FAM171A1: variants seen among roughly 807,000 people sequenced by gnomAD.
FAM171A1 encodes family with sequence similarity 171 member A1.
FAM171A1 carries 23 observed loss-of-function variants against 74.9 expected under a neutral mutation model. The ratio of observed to expected loss-of-function variants is 0.31; its 90% confidence interval spans 0.22 to 0.44. The LOEUF (loss-of-function observed/expected upper bound fraction) is 0.44. Ranked by LOEUF, FAM171A1 falls within the 20% of genes least tolerant of loss-of-function variation. FAM171A1 has a pLI of 1.00. For missense variants in FAM171A1, 1,162 were observed against 1,159.2 expected, an observed-to-expected ratio of 1.00 and a Z score of -0.03; for synonymous variants, 527 against 505.7, an observed-to-expected ratio of 1.04 and a Z score of -0.57.
chr10:15,340,016 A>G (rs1835747817), intron 1 of FAM171A1, among the ~76,000 whole-genome samples: 1 of 152,158 alleles, frequency 6.6e-6, no homozygotes, highest in Non-Finnish European at 1.5e-5. Context: ...TCATTCAATT[A>G]TCTCCCACTG....
chr10:15,264,196 C>G (rs1183507302), intron 3 of FAM171A1, among the ~76,000 whole-genome samples: 1 of 152,140 alleles, frequency 6.6e-6, no homozygotes, highest in Non-Finnish European at 1.5e-5. Flanking sequence ...GGCTTGAACT[C>G]CTGGGCTCAA....
intron 1 of FAM171A1, among the ~76,000 whole-genome samples, chr10:15,301,298 G>A (rs563600860): frequency 2.6e-4 from 40 of 151,730 alleles, no homozygotes; most frequent in Non-Finnish European, 5.1e-4. Context: ...TCAGCCTCTC[G>A]AGTAGCTGGG....
intron 1 of FAM171A1, among the ~76,000 whole-genome samples, chr10:15,287,089 TTC>T (rs1488195515): frequency 4.3e-5 from 6 of 138,804 alleles, no homozygotes; most frequent in Non-Finnish European, 6.2e-5. Context: ...CATTTTCTTC[TTC>T]TTTTTTTTTT....
intron 5 of FAM171A1, among the ~76,000 whole-genome samples, chr10:15,229,482 C>T (rs1045617515): frequency 2.0e-5 from 3 of 148,580 alleles, no homozygotes; most frequent in Non-Finnish European, 4.5e-5. Flanking sequence ...CCATTGTCAC[C>T]CCATCACCAT....
chr10:15,314,544 G>A (rs899500476), intron 1 of FAM171A1, among the ~76,000 whole-genome samples: 4 of 152,220 alleles, frequency 2.6e-5, no homozygotes, highest in South Asian at 2.1e-4. Context: ...AATTGGGACC[G>A]AGGTGTTCTC....
At chr10:15,311,811 A>G (rs1417775074) in intron 1 of FAM171A1, among the ~76,000 whole-genome samples, 1 of 152,228 alleles carries the variant, frequency 6.6e-6, no homozygotes, top group East Asian at 1.9e-4. Flanking sequence ...TTTTCTGTGC[A>G]TGTGACAGGG....
intron 5 of FAM171A1, among the ~76,000 whole-genome samples, chr10:15,246,222 G>A (rs1834433498): frequency 6.6e-6 from 1 of 152,168 alleles, no homozygotes. Context: ...TGCAGGATAT[G>A]TGAACAGACA....
intron 6 of FAM171A1, among the ~76,000 whole-genome samples, chr10:15,219,016 C>T (rs1274067002): frequency 1.3e-5 from 2 of 152,278 alleles, no homozygotes; most frequent in African/African-American, 2.4e-5. Context: ...GGCGCAGTGG[C>T]TCATGCCTGT....
chr10:15,282,453 A>G (rs1047587029), intron 2 of FAM171A1, among the ~76,000 whole-genome samples: 1 of 152,206 alleles, frequency 6.6e-6, no homozygotes, highest in Non-Finnish European at 1.5e-5. Context: ...CGTACTATTG[A>G]TCGGTTCATG....
chr10:15,278,569 A>G (rs1205006999), intron 2 of FAM171A1, among the ~76,000 whole-genome samples: 1 of 152,234 alleles, frequency 6.6e-6, no homozygotes, highest in Non-Finnish European at 1.5e-5. Flanking sequence ...TTATTCACTC[A>G]TGAAAGGGAA....
intron 1 of FAM171A1, among the ~76,000 whole-genome samples, chr10:15,320,946 T>A (rs1290314063): frequency 2.6e-5 from 4 of 152,228 alleles, no homozygotes; most frequent in African/African-American, 7.2e-5. Context: ...TCTGCCTGGG[T>A]ACTGTAACTG....
intron 3 of FAM171A1, among the ~76,000 whole-genome samples, chr10:15,258,803 G>C (rs1328496516): frequency 1.3e-5 from 2 of 152,280 alleles, no homozygotes; most frequent in African/African-American, 4.8e-5. Context: ...TCTGCCTGCT[G>C]TTTCCTTTGC....
In FAM171A1 at chr10:15,221,056, C is replaced by G; in HGVS notation, c.759G>C (p.Thr253=). The change falls in exon 6 of 8, where the codon ACG becomes ACC. Residue 253 remains threonine (T), a synonymous_variant. Coordinates refer to ENST00000378116, the MANE Select transcript of FAM171A1 (RefSeq NM_001010924.2). The part of the protein sequence containing the change: ...AAWRFDQKLG[T]WLKSGLGLVH... ...CAAGACCCAGACCGCTCTTCAGCCA[C>G]GTTCCTGTGGAATTGAGAAAGAGAT... 1 of 1,613,824 alleles carries G rather than the reference C, an allele frequency of 6.2e-7. No homozygotes were observed. The highest frequency in any genetic ancestry group is 8.5e-7 in the Non-Finnish European group (1 of 1,179,842).
chr10:15,215,508 G>A (rs1259261841), intron 7 of FAM171A1, among the ~76,000 whole-genome samples: 2 of 152,166 alleles, frequency 1.3e-5, no homozygotes, highest in African/African-American at 4.8e-5. Flanking sequence ...TGGGATTATA[G>A]GCGTGTGCCA....
chr10:15,261,079 GTCTC>G (rs1362830268), intron 3 of FAM171A1, among the ~76,000 whole-genome samples: 1 of 152,344 alleles, frequency 6.6e-6, no homozygotes, highest in Non-Finnish European at 1.5e-5. Context: ...GTCTTCCGCT[GTCTC>G]TCTATCTGAA....
At chr10:15,337,956 A>C (rs1835723809) in intron 1 of FAM171A1, among the ~76,000 whole-genome samples, 1 of 151,704 alleles carries the variant, frequency 6.6e-6, no homozygotes. Context: ...ATCTTAAAAA[A>C]AACAAAAAAA....
intron 5 of FAM171A1, among the ~76,000 whole-genome samples, chr10:15,234,610 C>T (rs546771582): frequency 9.9e-5 from 15 of 151,614 alleles, no homozygotes; most frequent in Non-Finnish European, 1.3e-4. Flanking sequence ...AGTAGCCTAG[C>T]GACCAGTCTG....
chr10:15,361,312 A>T (rs1425012111), intron 1 of FAM171A1, among the ~76,000 whole-genome samples: 1 of 152,124 alleles, frequency 6.6e-6, no homozygotes, highest in African/African-American at 2.4e-5. Flanking sequence ...CCACAACCAC[A>T]CTCAAATAAT....
intron 5 of FAM171A1, among the ~76,000 whole-genome samples, chr10:15,245,990 A>G (rs1296335870): frequency 1.3e-5 from 2 of 152,212 alleles, no homozygotes; most frequent in East Asian, 3.9e-4. Flanking sequence ...GAATTCCGGC[A>G]TTCTTCAGAG....
Sources: gnomAD v4.1 joint callset for allele counts (sites outside exome capture counted in the v4.1 genomes callset) on GRCh38, gnomAD v4.1.1 for gene constraint, MANE v1.5 for transcripts, NCBI Gene and HGNC (gene_info 2026-07-23, HGNC 2026-07-21) for gene names.